Variants in NCAM2 observed in about 807,000 individuals in gnomAD.
The protein encoded by NCAM2 is N-CAM-2.
In NCAM2, 30 loss-of-function variants were observed where a neutral mutation model predicts 98.1. That is an observed-to-expected ratio of 0.31 (90% CI 0.23 to 0.41). The LOEUF (loss-of-function observed/expected upper bound fraction) is 0.41. Among genes scored for constraint, NCAM2 ranks in the 10% least tolerant of loss-of-function variants. The pLI is 1.00. For synonymous variants in NCAM2, 368 were observed against 342.4 expected, an observed-to-expected ratio of 1.07 and a Z score of -0.83; for missense variants, 867 against 1,005.8, an observed-to-expected ratio of 0.86 and a Z score of 1.87.
At chr21:21,395,641 C>T (rs904592350) in intron 9 of NCAM2, among the ~76,000 whole-genome samples, 2 of 152,110 alleles carry the variant, frequency 1.3e-5, no homozygotes, top group African/African-American at 4.8e-5. Flanking sequence ...CTATAGTCAA[C>T]AAAACAGCAT....
At chr21:21,336,268 T>G (rs544919641) in intron 7 of NCAM2, among the ~76,000 whole-genome samples, 19 of 152,064 alleles carry the variant, frequency 1.2e-4, no homozygotes, top group Non-Finnish European at 1.5e-4. Flanking sequence ...CTTTAATTAG[T>G]GTAACACTAA....
intron 1 of NCAM2, among the ~76,000 whole-genome samples, chr21:21,047,392 A>G (rs1002823769): frequency 3.3e-5 from 5 of 152,314 alleles, no homozygotes; most frequent in South Asian, 4.1e-4. Flanking sequence ...GCTAATGAGC[A>G]GATGTTTAAT....
At chr21:21,192,811 C>T (rs1490385634) in intron 1 of NCAM2, among the ~76,000 whole-genome samples, 1 of 152,054 alleles carries the variant, frequency 6.6e-6, no homozygotes, top group African/African-American at 2.4e-5. Flanking sequence ...TGAGGTCAGC[C>T]ATTCAGACCT....
At chr21:21,365,260 TG>T (rs2075758406) in intron 8 of NCAM2, among the ~76,000 whole-genome samples, 1 of 151,570 alleles carries the variant, frequency 6.6e-6, no homozygotes, top group Non-Finnish European at 1.5e-5. Context: ...TGTGTGTGTG[TG>T]TGTGTGTGTG....
chr21:21,514,609 A>G (rs1285440899), intron 16 of NCAM2, among the ~76,000 whole-genome samples: 1 of 152,024 alleles, frequency 6.6e-6, no homozygotes, highest in Non-Finnish European at 1.5e-5. Context: ...AAGGCCCTCT[A>G]TATTTTCCAC....
At chr21:21,378,684 T>C (rs1358776218) in intron 9 of NCAM2, among the ~76,000 whole-genome samples, 1 of 152,106 alleles carries the variant, frequency 6.6e-6, no homozygotes, top group Admixed American at 6.6e-5. Flanking sequence ...CAATAATTTA[T>C]ACTACTTGTT....
intron 1 of NCAM2, among the ~76,000 whole-genome samples, chr21:21,027,343 T>TGGTA (rs2146208074): frequency 6.6e-6 from 1 of 152,370 alleles, no homozygotes; most frequent in Non-Finnish European, 1.5e-5. Flanking sequence ...CCAGTCATTA[T>TGGTA]GGTAGCATTA....
intron 1 of NCAM2, among the ~76,000 whole-genome samples, chr21:21,013,497 G>A (rs2064246650): frequency 6.6e-6 from 1 of 152,122 alleles, no homozygotes; most frequent in Non-Finnish European, 1.5e-5. Flanking sequence ...ATTAGTTCAC[G>A]AGGGCCGGAC....
chr21:21,486,303 CAAAAAAAAAAAAA>C (rs67182493), intron 15 of NCAM2, among the ~76,000 whole-genome samples: 5 of 52,254 alleles, frequency 9.6e-5, no homozygotes, highest in African/African-American at 4.2e-4. Flanking sequence ...GACTCCGTCT[CAAAAAAAAAAAAA>C]AAAAAAAAAA....
At chr21:21,037,600 A>G (rs1350653726) in intron 1 of NCAM2, among the ~76,000 whole-genome samples, 1 of 152,200 alleles carries the variant, frequency 6.6e-6, no homozygotes, top group Non-Finnish European at 1.5e-5. Flanking sequence ...GTTCAATAAG[A>G]GACAACAGAT....
At chr21:21,262,094 C>G (rs574720115) in intron 1 of NCAM2, among the ~76,000 whole-genome samples, 57 of 152,210 alleles carry the variant, frequency 3.7e-4, no homozygotes, top group African/African-American at 1.3e-3. Flanking sequence ...TGCATACAAA[C>G]TAGGAACCTT....
chr21:21,438,930 T>G (rs1290032075), intron 12 of NCAM2, among the ~76,000 whole-genome samples: 1 of 151,846 alleles, frequency 6.6e-6, no homozygotes, highest in African/African-American at 2.4e-5. Context: ...AAAAAAATTG[T>G]TTTTTATTAG....
chr21:21,389,111 C>T (rs550468942), intron 9 of NCAM2, among the ~76,000 whole-genome samples: 58 of 152,170 alleles, frequency 3.8e-4, no homozygotes, highest in Admixed American at 2.0e-3. Flanking sequence ...AAAGGCATAC[C>T]GTAGACTGGT....
At position 21,540,957 on chromosome 21, in the gene NCAM2, T is replaced by C. The variant is rs1183442455; in HGVS notation, c.*3000T>C. On this transcript the variant is annotated 3_prime_UTR_variant, in exon 18 of 18. Transcript: ENST00000400546. ...TTTATTATTTTTGTGGGCTAAGACA[T>C]TGCCATTCTATTGATACTAATGTCT... The C allele has an allele frequency of 6.6e-6, 1 of 151,890 alleles. No individual in the cohort carries two copies. The highest frequency in any genetic ancestry group is 1.5e-5 in the Non-Finnish European group (1 of 67,836). 9.4% of individuals were successfully genotyped at this position (151,890 alleles called of 1,614,324 possible).
intron 12 of NCAM2, among the ~76,000 whole-genome samples, chr21:21,450,235 CATT>C (rs1980819151): frequency 6.6e-6 from 1 of 151,674 alleles, no homozygotes. Flanking sequence ...TATATATACA[CATT>C]ATATATGTAT....
chr21:21,443,950 C>T (rs533540763), intron 12 of NCAM2, among the ~76,000 whole-genome samples: 3 of 152,090 alleles, frequency 2.0e-5, no homozygotes, highest in Non-Finnish European at 4.4e-5. Flanking sequence ...AGTTTTTGCC[C>T]ATTCAATGTG....
intron 1 of NCAM2, among the ~76,000 whole-genome samples, chr21:21,039,847 ACAT>A (rs1424591982): frequency 6.6e-6 from 1 of 152,166 alleles, no homozygotes; most frequent in Non-Finnish European, 1.5e-5. Context: ...TCCTCAGTCA[ACAT>A]CATAAATCAG....
rs1569012000 is a variant in NCAM2 at position 21,090,388 on chromosome 21, A to C, written c.55+91770A>C. On this transcript the variant is annotated intron_variant, in intron 1 of 17. Transcript: ENST00000400546. ...TAGGCCTAGGGGCCCATTAGTTTTA[A>C]AAATCTGCATGTCAAAGAGTGAATA... is the stretch of plus-strand genomic sequence containing the variant. Among the ~76,000 whole-genome samples, 2 of 152,202 alleles carry C rather than the reference A, an allele frequency of 1.3e-5. 1 individual carries two copies. The highest frequency in any genetic ancestry group is 1.3e-4 in the Admixed American group (2 of 15,280).
intron 15 of NCAM2, among the ~76,000 whole-genome samples, chr21:21,482,367 A>T (rs1192692458): frequency 6.6e-6 from 1 of 152,150 alleles, no homozygotes; most frequent in Non-Finnish European, 1.5e-5. Flanking sequence ...ATGAAATATA[A>T]ATTCAAACAT....
Sources: gnomAD v4.1 joint callset for allele counts (sites outside exome capture counted in the v4.1 genomes callset) on GRCh38, gnomAD v4.1.1 for gene constraint, MANE v1.5 for transcripts, NCBI Gene and HGNC (gene_info 2026-07-23, HGNC 2026-07-21) for gene names.